TAB2: variants seen among roughly 807,000 people sequenced by gnomAD.
TAB2 encodes the protein TGF-beta activated kinase 1 (MAP3K7) binding protein 2.
In TAB2, 3 loss-of-function variants were observed where a neutral mutation model predicts 65.0. The observed-to-expected ratio is 0.05, with a 90% CI of 0.02 to 0.12. The LOEUF is 0.12. Ranked by LOEUF, TAB2 falls within the 10% of genes least tolerant of loss-of-function variation. The pLI, the probability that TAB2 is intolerant of heterozygous loss-of-function variation, is 1.00. For missense variants in TAB2, 623 were observed against 840.3 expected (o/e 0.74, Z 3.20); for synonymous variants, 298 against 285.1 (o/e 1.05, Z -0.46).
chr6:149,276,188 A>G (rs1470680744), intron 1 of TAB2, among the ~76,000 whole-genome samples: 1 of 152,232 alleles, frequency 6.6e-6, no homozygotes, highest in Admixed American at 6.5e-5. Context: ...ACTTTATTTA[A>G]AATATAGAAG....
chr6:149,383,071 C>T (rs756082404), intron 3 of TAB2, among the ~76,000 whole-genome samples: 59 of 152,132 alleles, frequency 3.9e-4, no homozygotes, highest in Admixed American at 1.5e-3. Context: ...AGGAGAATTG[C>T]TTGAACCTGG....
At chr6:149,399,537 C>CG (rs1562453650) in intron 6 of TAB2, among the ~76,000 whole-genome samples, 1 of 151,696 alleles carries the variant, frequency 6.6e-6, no homozygotes, top group East Asian at 2.0e-4. Flanking sequence ...AGTTCCCCCC[C>CG]CCCATGAGTA....
Position 149,378,103 on chromosome 6 carries a change from C to T in TAB2, c.188C>T (p.Ser63Leu). 1 of 1,614,126 alleles carries T rather than the reference C, an allele frequency of 6.2e-7. No individual in the cohort carries two copies. The highest frequency in any genetic ancestry group is 8.5e-7 in the Non-Finnish European group (1 of 1,179,996). ...YLYGEGDLNF[S>L]DDSGISGLRN... is the part of the protein sequence containing the mutation. Reference sequence around the variant, plus strand: ...TATGGTGAAGGAGACTTGAATTTTTCAGATGATTCTGGAATTTCTGGTCTA... The same window carrying T: ...TATGGTGAAGGAGACTTGAATTTTTTAGATGATTCTGGAATTTCTGGTCTA... Residue 63 changes from serine (S) to leucine (L), a missense_variant, in exon 3 of 7, where the codon TCA (serine) becomes TTA (leucine). Ser to Leu is a moderately radical substitution (Grantham distance 145, BLOSUM62 -2). This residue lies in a region of TAB2 where 550 missense variants were observed against 665.7 expected (regional missense o/e 0.83). Transcript: ENST00000637181.
At chr6:149,287,954 G>A (rs902260169) in intron 1 of TAB2, among the ~76,000 whole-genome samples, 4 of 152,140 alleles carry the variant, frequency 2.6e-5, no homozygotes, top group Non-Finnish European at 4.4e-5. Context: ...TCCTAAAAAC[G>A]TGAAATGTTT....
intron 3 of TAB2, among the ~76,000 whole-genome samples, chr6:149,380,475 CTA>C (rs10542272): frequency 0.51 from 77,654 of 151,730 alleles, 20,071 homozygotes; most frequent in Middle Eastern, 0.62. Flanking sequence ...CTGAAATAGA[CTA>C]TTTGATATTG....
At chr6:149,309,403 C>CTT (rs565648269) in intron 1 of TAB2, among the ~76,000 whole-genome samples, 177 of 141,152 alleles carry the variant, frequency 1.3e-3, no homozygotes, top group African/African-American at 4.4e-3. Context: ...AATAATTCCT[C>CTT]TTTTTTTTTT....
Position 149,406,003 on chromosome 6 carries a change from C to G in TAB2, c.1940-3574C>G, listed in dbSNP as rs572954314. Among the ~76,000 whole-genome samples, 44 of 152,204 alleles carry G rather than the reference C, an allele frequency of 2.9e-4. 2 individuals are homozygous for G. The South Asian group carries it at 8.9e-3, about 31-fold the overall frequency. On this transcript the variant is annotated intron_variant, in intron 6 of 6. Coordinates refer to ENST00000637181, the MANE Select transcript of TAB2 (RefSeq NM_001292034.3). ...TATATACATAAATCATCAAGTTGTA[C>G]AGCTTATAATTTTTAACTGTCAGCT... is the stretch of plus-strand genomic sequence containing the variant.
intron 1 of TAB2, among the ~76,000 whole-genome samples, chr6:149,237,100 A>C (rs1777509383): frequency 6.6e-6 from 1 of 152,210 alleles, no homozygotes; most frequent in Non-Finnish European, 1.5e-5. Flanking sequence ...TCTGAGCATA[A>C]AGAATTCCTT....
At chr6:149,289,454 A>T (rs1395838823) in intron 1 of TAB2, among the ~76,000 whole-genome samples, 2 of 151,614 alleles carry the variant, frequency 1.3e-5, no homozygotes, top group African/African-American at 4.8e-5. Flanking sequence ...ATCACTGGGG[A>T]GACCTTTAAA....
chr6:149,400,684 G>A, intron 6 of TAB2: 3 of 1,612,916 alleles, frequency 1.9e-6, no homozygotes, highest in Non-Finnish European at 2.5e-6. Flanking sequence ...TACTGAAAAG[G>A]GAACCTGCTT....
chr6:149,234,581 G>A (rs552065994), intron 1 of TAB2, among the ~76,000 whole-genome samples: 40 of 152,288 alleles, frequency 2.6e-4, no homozygotes, highest in African/African-American at 8.9e-4. Flanking sequence ...ACCTCCTGCC[G>A]CATGTACCTT....
At chr6:149,324,899 C>A (rs1258898645) in intron 1 of TAB2, among the ~76,000 whole-genome samples, 1 of 149,520 alleles carries the variant, frequency 6.7e-6, no homozygotes, top group African/African-American at 2.5e-5. Context: ...TGGGCACAAG[C>A]CTTTCTCCCA....
chr6:149,266,519 G>A (rs1477148403), intron 1 of TAB2, among the ~76,000 whole-genome samples: 2 of 152,176 alleles, frequency 1.3e-5, no homozygotes, highest in African/African-American at 4.8e-5. Context: ...AAAAAGAGAG[G>A]AAGGCTAACG....
intron 6 of TAB2, among the ~76,000 whole-genome samples, chr6:149,402,609 A>T (rs1333941206): frequency 6.6e-6 from 1 of 152,176 alleles, no homozygotes; most frequent in Non-Finnish European, 1.5e-5. Flanking sequence ...GAGAAGGGGG[A>T]ACACTTCCAA....
rs1028641072 is a variant in TAB2, at chr6:149,404,077, C to A, written c.1939+4893C>A. ...GCGACATGATCATATATGTTGAAAA[C>A]CCTGAAGACTCCACCAAAAACTGTT... On this transcript the variant is annotated intron_variant, in intron 6 of 6. Coordinates refer to ENST00000637181, the MANE Select transcript of TAB2 (RefSeq NM_001292034.3). 3.3e-5 allele frequency among the ~76,000 whole-genome samples: 5 copies of A among 152,194 alleles called. No individual in the cohort carries two copies. In the East Asian group the frequency reaches 5.8e-4, roughly 18 times the overall value.
chr6:149,337,518 G>T (rs1779970548), intron 1 of TAB2, among the ~76,000 whole-genome samples: 1 of 152,018 alleles, frequency 6.6e-6, no homozygotes, highest in Non-Finnish European at 1.5e-5. Context: ...TCATTTGTTT[G>T]TTTTGTTTCA....
intron 1 of TAB2, among the ~76,000 whole-genome samples, chr6:149,251,777 G>C (rs1233186004): frequency 6.6e-6 from 1 of 152,150 alleles, no homozygotes; most frequent in Non-Finnish European, 1.5e-5. Context: ...GACTTTAGCT[G>C]TACTTTGTTA....
intron 1 of TAB2, among the ~76,000 whole-genome samples, chr6:149,262,026 C>A (rs1304417242): frequency 2.0e-5 from 3 of 152,200 alleles, no homozygotes; most frequent in Non-Finnish European, 4.4e-5. Flanking sequence ...AGCAAAATCC[C>A]TACTTCTTGA....
chr6:149,409,626 T>C lies in TAB2; in HGVS notation c.1989T>C (p.Asp663=). 1.9e-6 allele frequency: 3 copies of C among 1,614,150 alleles called. No individual in the cohort carries two copies. The highest frequency in any genetic ancestry group is 2.5e-6 in the Non-Finnish European group (3 of 1,179,956). ...KTPKTQDTED[D]EGAQWNCTAC... Reference sequence around the variant, plus strand: ...CAAAGACTCAAGACACAGAAGATGATGAGGGAGCTCAGTGGAATTGTACCG... The same window carrying C: ...CAAAGACTCAAGACACAGAAGATGACGAGGGAGCTCAGTGGAATTGTACCG... The change falls in exon 7 of 7, where the codon GAT becomes GAC. Residue 663 remains aspartate, a synonymous_variant. Transcript: ENST00000637181.
Sources: allele counts gnomAD v4.1 joint callset (sites outside exome capture counted in the v4.1 genomes callset), GRCh38; gene constraint gnomAD v4.1.1; regional missense constraint gnomAD v4.1.1; transcripts MANE v1.5; gene names NCBI Gene and HGNC (gene_info 2026-07-23, HGNC 2026-07-21).